Variants in LIMCH1 observed in about 807,000 individuals in gnomAD.
LIMCH1 encodes LIM and calponin homology domains 1, also known as LIM and calponin homology domains-containing protein 1.
Under a neutral mutation model 176.5 loss-of-function variants are expected in LIMCH1, and 113 were observed. The observed-to-expected ratio is 0.64, with a 90% CI of 0.55 to 0.75. LIMCH1 has a LOEUF of 0.75. LIMCH1 is among the 30% of genes least tolerant of loss of function. LIMCH1 has a pLI of 0.00. For missense variants in LIMCH1, 1,674 were observed against 1,814.9 expected (o/e 0.92, Z 1.41); for synonymous variants, 619 against 645.9 (o/e 0.96, Z 0.63).
intron 1 of LIMCH1, among the ~76,000 whole-genome samples, chr4:41,563,697 A>G (rs907717488): frequency 2.0e-5 from 3 of 152,194 alleles, no homozygotes; most frequent in African/African-American, 4.8e-5. Flanking sequence ...ATGAACAAGT[A>G]TTGCTTGTGA....
intron 18 of LIMCH1, among the ~76,000 whole-genome samples, chr4:41,657,097 G>C (rs983297352): frequency 3.9e-5 from 6 of 152,248 alleles, no homozygotes. Context: ...CACCCGGGCA[G>C]TTTGGATCGC....
chr4:41,584,840 T>G (rs1272050963), intron 1 of LIMCH1, among the ~76,000 whole-genome samples: 2 of 152,236 alleles, frequency 1.3e-5, no homozygotes, highest in African/African-American at 2.4e-5. Flanking sequence ...TACTATAGAC[T>G]AGGTGGCTTA....
At chr4:41,534,068 G>A (rs1015510719), upstream of LIMCH1, among the ~76,000 whole-genome samples, 34 of 152,134 alleles carry the variant, frequency 2.2e-4, no homozygotes, top group East Asian at 3.5e-3. Flanking sequence ...AGGGAATCTC[G>A]TGTTCCAGAT....
chr4:41,483,010 G>T (rs1226473702), intron 1 of LIMCH1, among the ~76,000 whole-genome samples: 1 of 152,116 alleles, frequency 6.6e-6, no homozygotes, highest in Admixed American at 6.6e-5. Flanking sequence ...AGGAAGTTTG[G>T]GCTGTGATGG....
chr4:41,692,878 T>A (rs757635165), intron 31 of LIMCH1: 1 of 153,126 alleles, frequency 6.5e-6, no homozygotes, highest in Non-Finnish European at 1.5e-5. Flanking sequence ...GAGACAACAA[T>A]GAGGGTTCCA....
At chr4:41,542,452 A>G (rs1316140614) in intron 1 of LIMCH1, among the ~76,000 whole-genome samples, 1 of 151,974 alleles carries the variant, frequency 6.6e-6, no homozygotes, top group Non-Finnish European at 1.5e-5. Context: ...GAATGTGTGA[A>G]TTTAACAGTA....
At chr4:41,657,664 C>G (rs2094501398) in intron 18 of LIMCH1, among the ~76,000 whole-genome samples, 1 of 152,116 alleles carries the variant, frequency 6.6e-6, no homozygotes, top group South Asian at 2.1e-4. Context: ...GAATATTTTG[C>G]TAGCAGTAGC....
At position 41,687,909 on chromosome 4, in the gene LIMCH1, A is replaced by G. The variant is rs1311697721; in HGVS notation, c.4158A>G (p.Ser1386=). The change falls in exon 29 of 32, where the codon TCA becomes TCG. Residue 1386 remains serine, a synonymous_variant. Transcript: ENST00000503057. ...GTTCTCCCACCCCTCCCGGTCAGTCACCAAACAGGTACAAGAGGTCAGCAG... is the reference window on the plus strand; with the variant it reads ...GTTCTCCCACCCCTCCCGGTCAGTCGCCAAACAGGTACAAGAGGTCAGCAG... The part of the protein sequence containing the change: ...SPCSPTPPGQ[S]PNRSISGKKL... 6.2e-7 allele frequency: 1 copy of G among 1,612,890 alleles called. No homozygotes were observed. The highest frequency in any genetic ancestry group is 8.5e-7 in the Non-Finnish European group (1 of 1,179,362).
At chr4:41,631,114 GAC>G in intron 9 of LIMCH1, 32 bp from the exon 10 acceptor site, 5 of 1,418,334 alleles carry the variant, frequency 3.5e-6, no homozygotes, top group Non-Finnish European at 4.6e-6. Context: ...TTTGTACTCA[GAC>G]ACTTTTAGAA....
chr4:41,648,659 GT>G (rs1408983517), intron 17 of LIMCH1, among the ~76,000 whole-genome samples: 4 of 16,162 alleles, frequency 2.5e-4, no homozygotes, highest in African/African-American at 1.5e-3. Context: ...AGGGGTAGGG[GT>G]GTGTGTGTGT....
chr4:41,601,459 C>A (rs2089909002), intron 2 of LIMCH1, among the ~76,000 whole-genome samples: 1 of 152,018 alleles, frequency 6.6e-6, no homozygotes, highest in Non-Finnish European at 1.5e-5. Context: ...GTGGGGCATT[C>A]AGGACAGAGA....
At chr4:41,648,309 GA>G (rs2094145922) in intron 17 of LIMCH1, among the ~76,000 whole-genome samples, 1 of 152,184 alleles carries the variant, frequency 6.6e-6, no homozygotes, top group Non-Finnish European at 1.5e-5. Flanking sequence ...TAAACAGAAG[GA>G]TTAGCATAAA....
intron 1 of LIMCH1, among the ~76,000 whole-genome samples, chr4:41,564,992 T>C (rs1235550521): frequency 6.6e-6 from 1 of 152,184 alleles, no homozygotes; most frequent in African/African-American, 2.4e-5. Context: ...GAACTGTAAG[T>C]CAATTAAACC....
chr4:41,478,495 GT>G (rs1311826132), intron 1 of LIMCH1, among the ~76,000 whole-genome samples: 10 of 152,178 alleles, frequency 6.6e-5, no homozygotes, highest in African/African-American at 2.4e-4. Context: ...AATTCTATTA[GT>G]TTCCTAACTT....
intron 1 of LIMCH1, among the ~76,000 whole-genome samples, chr4:41,407,476 C>T (rs1046581617): frequency 1.3e-5 from 2 of 152,156 alleles, no homozygotes; most frequent in African/African-American, 2.4e-5. Flanking sequence ...GTGATCCTCC[C>T]GCCTTGGCCT....
At chr4:41,485,574 G>A (rs751282120) in intron 1 of LIMCH1, among the ~76,000 whole-genome samples, 5 of 152,150 alleles carry the variant, frequency 3.3e-5, no homozygotes, top group Admixed American at 1.3e-4. Context: ...GATATATATG[G>A]AAGTTTATTA....
At chr4:41,428,728 C>T (rs750266214) in intron 1 of LIMCH1, among the ~76,000 whole-genome samples, 2 of 152,148 alleles carry the variant, frequency 1.3e-5, no homozygotes, top group African/African-American at 2.4e-5. Flanking sequence ...GAGCAGAAGC[C>T]AGACTGAGAT....
chr4:41,640,142 C>T (rs932738118), intron 14 of LIMCH1, among the ~76,000 whole-genome samples: 1 of 152,172 alleles, frequency 6.6e-6, no homozygotes, highest in Non-Finnish European at 1.5e-5. Flanking sequence ...TGCCTCAAAA[C>T]CAAATTCAGC....
chr4:41,578,818 C>G (rs1328883841), intron 1 of LIMCH1, among the ~76,000 whole-genome samples: 1 of 151,912 alleles, frequency 6.6e-6, no homozygotes, highest in Non-Finnish European at 1.5e-5. Context: ...CTATTGGGCT[C>G]AAGTGACCCA....
Sources: allele counts gnomAD v4.1 joint callset (sites outside exome capture counted in the v4.1 genomes callset), GRCh38; gene constraint gnomAD v4.1.1; transcripts MANE v1.5; gene names NCBI Gene and HGNC (gene_info 2026-07-23, HGNC 2026-07-21).